The following HEMK2 variants were observed in gnomAD, a reference collection of about 807,000 sequenced individuals.
The protein encoded by HEMK2 is HemK methyltransferase 2, ETF1 glutamine and histone H4 lysine.
At chr21:28,869,386 T>TC in the HEMK2 span, among the ~76,000 whole-genome samples, 1 of 151,884 alleles carries the variant, frequency 6.6e-6, no homozygotes, top group South Asian at 2.1e-4. Flanking sequence ...TCTTCTTTTT[T>TC]CCTCTATGTG....
chr21:28,588,072 C>G, the HEMK2 span, among the ~76,000 whole-genome samples: 1 of 152,130 alleles, frequency 6.6e-6, no homozygotes, highest in Non-Finnish European at 1.5e-5. Flanking sequence ...AATATAAGCT[C>G]TTGAATAGCT....
At chr21:28,592,550 T>C in the HEMK2 span, among the ~76,000 whole-genome samples, 19 of 152,176 alleles carry the variant, frequency 1.2e-4, no homozygotes, top group African/African-American at 4.6e-4. Context: ...AAGAGAGGCT[T>C]CTAAGACAAA....
the HEMK2 span, among the ~76,000 whole-genome samples, chr21:28,635,529 T>C: frequency 2.0e-5 from 3 of 152,212 alleles, no homozygotes. Flanking sequence ...TGAGCTTAAA[T>C]ATATACAAAC....
chr21:28,841,239 TATATATATAATATATTATATATA>T, the HEMK2 span, among the ~76,000 whole-genome samples: 1 of 8,148 alleles, frequency 1.2e-4, no homozygotes, highest in Non-Finnish European at 1.7e-4. Flanking sequence ...TATATATATT[TATATATATAATATATTATATATA>T]ATATATATTA....
At chr21:28,677,982 G>A in the HEMK2 span, among the ~76,000 whole-genome samples, 758 of 135,986 alleles carry the variant, frequency 5.6e-3, no homozygotes, top group South Asian at 8.6e-3. Flanking sequence ...CTAAAAATCA[G>A]AGCGCCTCTC....
chr21:28,769,095 C>A, the HEMK2 span, among the ~76,000 whole-genome samples: 1 of 151,992 alleles, frequency 6.6e-6, no homozygotes, highest in African/African-American at 2.4e-5. Flanking sequence ...GCAGCCCTGG[C>A]AAACAAACAG....
the HEMK2 span, among the ~76,000 whole-genome samples, chr21:28,718,910 T>C: frequency 2.6e-5 from 4 of 152,290 alleles, no homozygotes; most frequent in African/African-American, 9.6e-5. Context: ...CTGTCAATGA[T>C]TGTGCACAGC....
the HEMK2 span, among the ~76,000 whole-genome samples, chr21:28,753,571 A>C: frequency 6.6e-6 from 1 of 152,138 alleles, no homozygotes; most frequent in East Asian, 1.9e-4. Context: ...CCTAAAGAGA[A>C]AATAATGCCC....
At chr21:28,656,224 C>T in the HEMK2 span, among the ~76,000 whole-genome samples, 5 of 152,104 alleles carry the variant, frequency 3.3e-5, no homozygotes, top group African/African-American at 1.2e-4. Flanking sequence ...TGACACAACC[C>T]AAGAAGTGGA....
chr21:28,686,300 T>C, the HEMK2 span, among the ~76,000 whole-genome samples: 2 of 152,152 alleles, frequency 1.3e-5, no homozygotes, highest in East Asian at 1.9e-4. Context: ...AATGGCGCAA[T>C]CTCAGCTCAC....
the HEMK2 span, among the ~76,000 whole-genome samples, chr21:28,851,501 G>A: frequency 6.6e-6 from 1 of 152,170 alleles, no homozygotes; most frequent in Admixed American, 6.5e-5. Context: ...CTTTTTCTTG[G>A]TTGTCGGAGG....
chr21:28,741,131 A>G, the HEMK2 span, among the ~76,000 whole-genome samples: 2 of 152,122 alleles, frequency 1.3e-5, no homozygotes, highest in Non-Finnish European at 2.9e-5. Context: ...TCTTATTCCT[A>G]AAGTCAAATC....
At chr21:28,827,274 T>G in the HEMK2 span, among the ~76,000 whole-genome samples, 2 of 152,178 alleles carry the variant, frequency 1.3e-5, no homozygotes, top group Non-Finnish European at 2.9e-5. Context: ...GAAGCACAGA[T>G]GAGAGAGAAT....
the HEMK2 span, among the ~76,000 whole-genome samples, chr21:28,649,374 G>C: frequency 4.6e-5 from 7 of 152,298 alleles, no homozygotes; most frequent in African/African-American, 1.7e-4. Context: ...GTACACTAAA[G>C]AATCAAAACA....
the HEMK2 span, among the ~76,000 whole-genome samples, chr21:28,699,043 C>T: frequency 6.6e-6 from 1 of 152,042 alleles, no homozygotes; most frequent in African/African-American, 2.4e-5. Flanking sequence ...ATGTTCACCT[C>T]CTAATATTAT....
chr21:28,698,275 T>C, the HEMK2 span, among the ~76,000 whole-genome samples: 6 of 152,186 alleles, frequency 3.9e-5, no homozygotes, highest in African/African-American at 1.4e-4. Context: ...TGTGTGCTGT[T>C]AGAATGGGCT....
chr21:28,714,434 C>G, the HEMK2 span, among the ~76,000 whole-genome samples: 1 of 151,942 alleles, frequency 6.6e-6, no homozygotes, highest in Non-Finnish European at 1.5e-5. Context: ...GGAGAGTGTT[C>G]TGAAATATGG....
the HEMK2 span, among the ~76,000 whole-genome samples, chr21:28,621,191 T>C: frequency 8.5e-5 from 13 of 152,334 alleles, no homozygotes; most frequent in Middle Eastern, 3.4e-3. Flanking sequence ...CTCTTTCTCC[T>C]GTGGGCATTT....
chr21:28,871,961 C>T, the HEMK2 span, among the ~76,000 whole-genome samples: 2 of 152,174 alleles, frequency 1.3e-5, no homozygotes, highest in African/African-American at 2.4e-5. Context: ...TAGGGCCCAT[C>T]CTAATCAAGT....
Sources: gnomAD v4.1 joint callset for allele counts (sites outside exome capture counted in the v4.1 genomes callset) on GRCh38, gnomAD v4.1.1 for gene constraint, MANE v1.5 for transcripts, NCBI Gene and HGNC (gene_info 2026-07-23, HGNC 2026-07-21) for gene names.